TUBB3: variants seen among roughly 807,000 people sequenced by gnomAD.
The protein encoded by TUBB3 is tubulin beta 3 class III.
In TUBB3, 17 loss-of-function variants were observed where a neutral mutation model predicts 37.8. The ratio of observed to expected loss-of-function variants is 0.45; its 90% CI spans 0.31 to 0.67. The LOEUF is 0.67. TUBB3 is among the 30% of genes least tolerant of loss of function. The pLI is 0.07. For missense variants in TUBB3, 262 were observed against 657.9 expected (o/e 0.40, Z 6.58); for synonymous variants, 332 against 278.9 (o/e 1.19, Z -1.90).
Position 89,935,904 on chromosome 16 carries a change from C to G in TUBB3, c.*100C>G. The G allele has an allele frequency of 6.9e-7, 1 of 1,452,830 alleles. No individual in the cohort carries two copies. The highest frequency in any genetic ancestry group is 2.2e-5 in the Admixed American group (1 of 46,456). 90.0% of individuals were successfully genotyped at this position (1,452,830 alleles called of 1,614,324 possible). A position where few individuals can be genotyped will look rare whatever the true frequency, so the allele number is the denominator to read the frequency against. ...TCTTGCTGCCGACACCCTGCTTTCC[C>G]CTCGCCCTAGGGCTCCCTTGCCGCC... On this transcript the variant is annotated 3_prime_UTR_variant, in exon 4 of 4. Coordinates refer to ENST00000315491, the MANE Select transcript of TUBB3 (RefSeq NM_006086.4).
upstream of TUBB3, chr16:89,922,003 C>G (rs2029899189): frequency 6.6e-6 from 1 of 152,528 alleles, no homozygotes; most frequent in African/African-American, 2.4e-5. Context: ...GACAGGGAGG[C>G]ACCTCAGACA....
intron 1 of TUBB3, among the ~76,000 whole-genome samples, chr16:89,930,547 C>T (rs531767395): frequency 3.3e-5 from 5 of 151,964 alleles, no homozygotes; most frequent in South Asian, 2.1e-4. Context: ...CCTCAGCTTC[C>T]GGAGTAGCTG....
At position 89,934,880 on chromosome 16, in the gene TUBB3, G is replaced by T. The variant is rs375864441; in HGVS notation, c.429G>T (p.Thr143=). The T allele has an allele frequency of 6.2e-7, 1 of 1,614,122 alleles. No homozygotes were observed. Among genetic ancestry groups the T allele is most frequent in the Non-Finnish European group, 8.5e-7 (1 of 1,180,008 alleles). Residue 143 remains threonine (T), a synonymous_variant, in exon 4 of 4, where the codon ACG becomes ACT. Transcript: ENST00000315491. ...FQLTHSLGGG[T]GSGMGTLLIS... ...TGACCCACTCGCTGGGGGGCGGCAC[G>T]GGCTCCGGCATGGGCACGTTGCTCA...
intron 3 of TUBB3, 162 bp from the exon 4 acceptor site, chr16:89,934,567 C>T: frequency 1.4e-6 from 1 of 730,636 alleles, no homozygotes; most frequent in Non-Finnish European, 2.3e-6. Flanking sequence ...CTCAGGGAAG[C>T]CACGGCGGGT....
intron 1 of TUBB3, chr16:89,931,593 A>T (rs1292493967): frequency 6.4e-6 from 1 of 155,556 alleles, no homozygotes; most frequent in African/African-American, 2.4e-5. Context: ...AGATAGTTCT[A>T]CGTTTGCCAT....
At chr16:89,930,076 C>T (rs927487837) in intron 1 of TUBB3, among the ~76,000 whole-genome samples, 1 of 146,456 alleles carries the variant, frequency 6.8e-6, no homozygotes, top group Non-Finnish European at 1.5e-5. Context: ...CTCTCTCTTT[C>T]CTTTCTTTCT....
In TUBB3 at chr16:89,935,403, C is replaced by A. The variant is rs183017345; in HGVS notation, c.952C>A (p.Arg318=). The A allele has an allele frequency of 2.5e-6, 4 of 1,614,180 alleles. No individual in the cohort carries two copies. The East Asian group carries it at 8.9e-5, about 36-fold the overall frequency. ...GRYLTVATVF[R]GRMSMKEVDE... ...CTACCTGACGGTGGCCACCGTGTTCCGGGGCCGCATGTCCATGAAGGAGGT... is the reference window on the plus strand; with the variant it reads ...CTACCTGACGGTGGCCACCGTGTTCAGGGGCCGCATGTCCATGAAGGAGGT... Residue 318 remains arginine, a synonymous_variant, in exon 4 of 4, where the codon CGG becomes AGG. Transcript: ENST00000315491.
chr16:89,932,600 C>T lies in TUBB3; in HGVS notation c.87C>T (p.Gly29=). 6.2e-7 allele frequency: 1 copy of T among 1,614,128 alleles called. No homozygotes were observed. Among genetic ancestry groups the T allele is most frequent in the Non-Finnish European group, 8.5e-7 (1 of 1,180,026 alleles). The change falls in exon 2 of 4, where the codon GGC becomes GGT. Residue 29 remains glycine (G), a synonymous_variant. Coordinates refer to ENST00000315491, the MANE Select transcript of TUBB3 (RefSeq NM_006086.4). The part of the protein sequence containing the change: ...KFWEVISDEH[G]IDPSGNYVGD... ...GGGAAGTCATCAGTGATGAGCATGG[C>T]ATCGACCCCAGCGGCAACTACGTGG...
At position 89,935,952 on chromosome 16, in the gene TUBB3, G is replaced by C. The variant is rs12207; in HGVS notation, c.*148G>C. Reference sequence around the variant, plus strand: ...GCCCTCCTGCAGTATTTATGGCCTCGTCCTCCCCACCTAGGCCACGTGTGA... The same window carrying C: ...GCCCTCCTGCAGTATTTATGGCCTCCTCCTCCCCACCTAGGCCACGTGTGA... On this transcript the variant is annotated 3_prime_UTR_variant, in exon 4 of 4. Coordinates refer to ENST00000315491, the MANE Select transcript of TUBB3 (RefSeq NM_006086.4). 31 of 1,018,786 alleles carry C rather than the reference G, an allele frequency of 3.0e-5. 1 individual carries two copies. In the South Asian group the frequency reaches 5.2e-4, roughly 17 times the overall value. 63.1% of individuals were successfully genotyped at this position (1,018,786 alleles called of 1,614,324 possible).
Position 89,935,966 on chromosome 16 carries a change from G to C in TUBB3, c.*162G>C, listed in dbSNP as rs2030443922. On this transcript the variant is annotated 3_prime_UTR_variant, in exon 4 of 4. Coordinates refer to ENST00000315491, the MANE Select transcript of TUBB3 (RefSeq NM_006086.4). ...TTTATGGCCTCGTCCTCCCCACCTA[G>C]GCCACGTGTGAGCTGCTCCTGTCTC... 3 of 840,348 alleles carry C rather than the reference G, an allele frequency of 3.6e-6. No individual in the cohort carries two copies. Among genetic ancestry groups the C allele is most frequent in the Non-Finnish European group, 5.5e-6 (3 of 547,256 alleles). The allele number at this position is 840,348 out of a possible 1,614,324, so 52.1% of individuals were successfully genotyped here. A position where few individuals can be genotyped will look rare whatever the true frequency, so the allele number is the denominator to read the frequency against.
intron 1 of TUBB3, among the ~76,000 whole-genome samples, chr16:89,926,238 A>G (rs967895824): frequency 3.3e-5 from 5 of 151,854 alleles, no homozygotes; most frequent in Non-Finnish European, 7.4e-5. Flanking sequence ...GGGCTGCGGC[A>G]CCGCCTCCTC....
intron 1 of TUBB3, among the ~76,000 whole-genome samples, chr16:89,930,183 C>T (rs2030233681): frequency 6.6e-6 from 1 of 151,822 alleles, no homozygotes; most frequent in African/African-American, 2.4e-5. Context: ...CGACTCACCA[C>T]AACCTCTGCC....
chr16:89,931,959 G>C (rs1289719811), intron 1 of TUBB3: 2 of 298,682 alleles, frequency 6.7e-6, no homozygotes, highest in South Asian at 5.2e-5. Context: ...TTCCCATTTG[G>C]GACCCCAAGG....
intron 1 of TUBB3, among the ~76,000 whole-genome samples, chr16:89,927,553 T>G (rs1454461793): frequency 1.3e-5 from 2 of 152,132 alleles, no homozygotes; most frequent in East Asian, 3.8e-4. Flanking sequence ...GGGAACAAAT[T>G]TCTTTTTCTA....
At chr16:89,933,355 A>C in intron 2 of TUBB3, 113 bp from the exon 3 acceptor site, 4 of 910,986 alleles carry the variant, frequency 4.4e-6, no homozygotes, top group Non-Finnish European at 1.9e-6. Flanking sequence ...TTCAGAGTAC[A>C]GGCTCTTAGG....
intron 1 of TUBB3, among the ~76,000 whole-genome samples, chr16:89,924,867 G>A (rs980762896): frequency 6.6e-6 from 1 of 151,906 alleles, no homozygotes; most frequent in African/African-American, 2.4e-5. Context: ...TGATGGGAGG[G>A]GCTGAGGGCT....
intron 3 of TUBB3, chr16:89,934,303 G>T (rs372436840): frequency 3.0e-5 from 14 of 473,738 alleles, no homozygotes; most frequent in East Asian, 2.6e-4. Context: ...GGAGGGCCTC[G>T]CTTCACTTCT....
chr16:89,935,889 G>C lies in TUBB3; in HGVS notation c.*85G>C, dbSNP rs565948203. ...AAACCCCCGGAGCCATCTTGCTGCCGACACCCTGCTTTCCCCTCGCCCTAG... is the reference window on the plus strand; with the variant it reads ...AAACCCCCGGAGCCATCTTGCTGCCCACACCCTGCTTTCCCCTCGCCCTAG... On this transcript the variant is annotated 3_prime_UTR_variant, in exon 4 of 4. Transcript: ENST00000315491. 2.0e-6 allele frequency: 3 copies of C among 1,483,028 alleles called. No homozygotes were observed. The highest frequency in any genetic ancestry group is 1.4e-5 in the African/African-American group (1 of 71,418). 91.9% of individuals were successfully genotyped at this position (1,483,028 alleles called of 1,614,324 possible).
At chr16:89,930,688 C>T (rs111661709) in intron 1 of TUBB3, among the ~76,000 whole-genome samples, 149 of 151,610 alleles carry the variant, frequency 9.8e-4, no homozygotes, top group African/African-American at 2.8e-3. Flanking sequence ...CGTGAGCCAC[C>T]GCACCTGGCC....
Sources: gnomAD v4.1 joint callset for allele counts (sites outside exome capture counted in the v4.1 genomes callset) on GRCh38, gnomAD v4.1.1 for gene constraint, MANE v1.5 for transcripts, NCBI Gene and HGNC (gene_info 2026-07-23, HGNC 2026-07-21) for gene names.